Variants in ZNF398 observed in about 807,000 individuals in gnomAD.
ZNF398 encodes the protein zinc finger DNA binding protein ZER6.
ZNF398 carries 18 observed loss-of-function variants against 41.9 expected under a neutral mutation model. The ratio of observed to expected loss-of-function variants is 0.43; its 90% CI spans 0.30 to 0.64. The LOEUF is 0.64. Among genes scored for constraint, ZNF398 ranks in the 30% least tolerant of loss-of-function variants. The pLI, the probability that ZNF398 is intolerant of heterozygous loss-of-function variation, is 0.14. For synonymous variants in ZNF398, 260 were observed against 308.8 expected (o/e 0.84, Z 1.66); for missense variants, 669 against 822.8 (o/e 0.81, Z 2.29).
At chr7:149,166,039 G>T in intron 2 of ZNF398, 119 bp from the exon 3 acceptor site, 1 of 1,140,848 alleles carries the variant, frequency 8.8e-7, no homozygotes, top group Non-Finnish European at 1.2e-6. Flanking sequence ...GAGATATTTA[G>T]AATATTTATT....
chr7:149,148,311 C>G (rs1218658079), intron 1 of ZNF398: 1 of 362,018 alleles, frequency 2.8e-6, no homozygotes, highest in African/African-American at 2.2e-5. Context: ...GGAGTGGCCT[C>G]GCGTGCGTGG....
chr7:149,168,607 C>T lies in ZNF398; in HGVS notation c.661+1677C>T, dbSNP rs546486449. 7.2e-5 allele frequency among the ~76,000 whole-genome samples: 11 copies of T among 152,204 alleles called. No individual in the cohort carries two copies. In the South Asian group the frequency reaches 8.3e-4, roughly 11 times the overall value. The stretch of plus-strand genomic sequence containing the variant: ...ATTTTGAGATGGAGTCTCACTCTGT[C>T]GCCCAGGCTAGAGTGCAGTGGCGTG... On this transcript the variant is annotated intron_variant, in intron 4 of 5. Coordinates refer to ENST00000475153, the MANE Select transcript of ZNF398 (RefSeq NM_170686.3).
rs71192757 is a variant in ZNF398, at chr7:149,128,780, T to TAAAATAAAATAAAATAAAATAATA, written c.-611-43_-611-42insAAAATAAAATAAAATAAAATAATA. The TAAAATAAAATAAAATAAAATAATA allele has an allele frequency of 9.1e-4, 130 of 143,434 alleles. 5 individuals are homozygous for TAAAATAAAATAAAATAAAATAATA. Among genetic ancestry groups the TAAAATAAAATAAAATAAAATAATA allele is most frequent in the African/African-American group, 1.9e-3 (73 of 37,832 alleles). 8.9% of individuals were successfully genotyped at this position (143,434 alleles called of 1,614,324 possible). A position where few individuals can be genotyped will look rare whatever the true frequency, so the allele number is the denominator to read the frequency against. On this transcript the variant is annotated intron_variant, in intron 1 of 6. Coordinates refer to the ZNF398 transcript ENST00000426851. ...AAAAATAAAATAAAATAAAATAAAA[T>TAAAATAAAATAAAATAAAATAATA]TATATATATATATATATTGTTTGTT...
chr7:149,141,895 C>T (rs1293744706), intron 2 of ZNF398, among the ~76,000 whole-genome samples: 1 of 152,160 alleles, frequency 6.6e-6, no homozygotes, highest in African/African-American at 2.4e-5. Flanking sequence ...GGCCCTAATC[C>T]ACAGACTTTA....
At chr7:149,166,698 A>G (rs1795231931) in intron 3 of ZNF398, 119 bp from the exon 4 acceptor site, 4 of 652,168 alleles carry the variant, frequency 6.1e-6, no homozygotes, top group Non-Finnish European at 8.0e-6. Flanking sequence ...AGTGATATGA[A>G]ATCTAAAAGA....
intron 2 of ZNF398, among the ~76,000 whole-genome samples, chr7:149,133,132 T>C (rs774605887): frequency 6.5e-4 from 98 of 151,906 alleles, no homozygotes; most frequent in Non-Finnish European, 1.1e-3. Context: ...TTTTTTTTTT[T>C]CTTGATAGAG....
intron 2 of ZNF398, among the ~76,000 whole-genome samples, chr7:149,165,189 T>G (rs1795202163): frequency 6.6e-6 from 1 of 152,048 alleles, no homozygotes. Flanking sequence ...CAGATCCAAG[T>G]TACCTCACTT....
At chr7:149,165,093 TA>T (rs538942394) in intron 2 of ZNF398, among the ~76,000 whole-genome samples, 224 of 128,334 alleles carry the variant, frequency 1.7e-3, no homozygotes, top group Admixed American at 2.0e-3. Flanking sequence ...ACTCTGTCTC[TA>T]AAAAAAAAAA....
chr7:149,164,445 A>G (rs1795183013), intron 2 of ZNF398, among the ~76,000 whole-genome samples: 1 of 152,056 alleles, frequency 6.6e-6, no homozygotes, highest in Non-Finnish European at 1.5e-5. Context: ...AGAAAGAAAG[A>G]AATACACTGA....
intron 4 of ZNF398, among the ~76,000 whole-genome samples, chr7:149,170,915 CT>C (rs751724829): frequency 9.3e-4 from 131 of 141,402 alleles, no homozygotes; most frequent in Admixed American, 9.9e-4. Flanking sequence ...AACATTTTTT[CT>C]TTTTTTTTTT....
At position 149,180,734 on chromosome 7, in the gene ZNF398, G is replaced by A. The variant is rs1268588403; in HGVS notation, c.*933G>A. The A allele has an allele frequency of 1.3e-5, 2 of 152,118 alleles. No homozygotes were observed. The highest frequency in any genetic ancestry group is 2.9e-5 in the Non-Finnish European group (2 of 68,028). The allele number at this position is 152,118 out of a possible 1,614,324, so 9.4% of individuals were successfully genotyped here. A position where few individuals can be genotyped will look rare whatever the true frequency, so the allele number is the denominator to read the frequency against. On this transcript the variant is annotated 3_prime_UTR_variant, in exon 6 of 6. Coordinates refer to ENST00000475153, the MANE Select transcript of ZNF398 (RefSeq NM_170686.3). Reference sequence around the variant, plus strand: ...CAGTAAGTTGGCTTCTCCATTCCTGGTGTCTGATATTCTTGACAATCATCA... The same window carrying A: ...CAGTAAGTTGGCTTCTCCATTCCTGATGTCTGATATTCTTGACAATCATCA...
chr7:149,166,657 A>G (rs952614173), intron 3 of ZNF398, among the ~76,000 whole-genome samples, 160 bp from the exon 4 acceptor site: 1 of 152,246 alleles, frequency 6.6e-6, no homozygotes, highest in South Asian at 2.1e-4. Context: ...CTGAATAGAT[A>G]TCCACAGCTG....
intron 2 of ZNF398, among the ~76,000 whole-genome samples, chr7:149,136,240 T>C (rs371053973): frequency 6.6e-6 from 1 of 152,136 alleles, no homozygotes; most frequent in Non-Finnish European, 1.5e-5. Flanking sequence ...AAAATCACAC[T>C]CAAGGCTGCC....
At chr7:149,126,451 G>T in exon 1 of ZNF398, 1 of 644,052 alleles carries the variant, frequency 1.6e-6, no homozygotes, top group Non-Finnish European at 2.5e-6. Flanking sequence ...CACCCTCCGT[G>T]CGGGCCGCAG....
In ZNF398 at chr7:149,138,694, AAAGAT is replaced by A. The variant is rs1444889571; in HGVS notation, c.-490+9755_-490+9759del. 8.7e-4 allele frequency among the ~76,000 whole-genome samples: 132 copies of A among 152,330 alleles called. 1 individual carries two copies. Among genetic ancestry groups the A allele is most frequent in the African/African-American group, 3.1e-3 (128 of 41,582 alleles). On this transcript the variant is annotated intron_variant, in intron 2 of 6. Transcript: ENST00000426851. Reference sequence around the variant, plus strand: ...ATATATTTATATAAAAGAAGCTCACAAAGATAAGAACCAAAATGCTTCGAGTGATT... The same window carrying A: ...ATATATTTATATAAAAGAAGCTCACAAAGAACCAAAATGCTTCGAGTGATT...
chr7:149,163,512 A>G (rs1251846457), intron 2 of ZNF398, among the ~76,000 whole-genome samples: 1 of 151,944 alleles, frequency 6.6e-6, no homozygotes. Context: ...AGTTGGGACT[A>G]CAGGCCTGTG....
rs1826759862 is a variant in ZNF398, at chr7:149,138,454, C to T, written c.-490+9510C>T. On this transcript the variant is annotated intron_variant, in intron 2 of 6. Coordinates refer to the ZNF398 transcript ENST00000426851. ...AATTATCTGGGCGTGGTGGTGCACG[C>T]CTGTATCCAGCTACTCTCAGGAAGC... is the stretch of plus-strand genomic sequence containing the variant. Among the ~76,000 whole-genome samples, 3 of 151,990 alleles carry T rather than the reference C, an allele frequency of 2.0e-5. No homozygotes were observed. The South Asian group carries it at 6.2e-4, about 31-fold the overall frequency.
intron 2 of ZNF398, among the ~76,000 whole-genome samples, chr7:149,135,339 G>A (rs527947930): frequency 7.3e-6 from 1 of 137,878 alleles, no homozygotes; most frequent in African/African-American, 2.7e-5. Context: ...GCAGTGTGCC[G>A]AGATCGCGCC....
chr7:149,175,985 C>CT (rs1795453265), intron 4 of ZNF398, among the ~76,000 whole-genome samples: 1 of 152,234 alleles, frequency 6.6e-6, no homozygotes, highest in East Asian at 1.9e-4. Flanking sequence ...CACACCCATC[C>CT]TGTATGCATT....
Sources: allele counts gnomAD v4.1 joint callset (sites outside exome capture counted in the v4.1 genomes callset), GRCh38; gene constraint gnomAD v4.1.1; transcripts MANE v1.5; gene names NCBI Gene and HGNC (gene_info 2026-07-23, HGNC 2026-07-21).